C8A: variants seen among roughly 807,000 people sequenced by gnomAD.
The protein encoded by C8A is complement component C8 alpha chain.
Under a neutral mutation model 65.3 loss-of-function variants are expected in C8A, and 67 were observed. That is an observed-to-expected ratio of 1.03 (90% CI 0.84 to 1.26). The LOEUF is 1.26. C8A is among the 50% of genes most tolerant of loss of function. The pLI is 0.00. For missense variants in C8A, 781 were observed against 723.9 expected, an observed-to-expected ratio of 1.08 and a Z score of -0.90; for synonymous variants, 290 against 259.4, an observed-to-expected ratio of 1.12 and a Z score of -1.13.
intron 7 of C8A, among the ~76,000 whole-genome samples, chr1:56,904,548 T>G (rs1195999345): frequency 2.0e-5 from 3 of 152,220 alleles, no homozygotes; most frequent in African/African-American, 7.2e-5. Context: ...ATGGCAGAAT[T>G]CTTTTGTCTG....
At chr1:56,899,725 C>A (rs1480885786) in intron 7 of C8A, among the ~76,000 whole-genome samples, 1 of 152,196 alleles carries the variant, frequency 6.6e-6, no homozygotes, top group Non-Finnish European at 1.5e-5. Flanking sequence ...GTGTAGGCTG[C>A]AGCATTTCTG....
intron 9 of C8A, among the ~76,000 whole-genome samples, chr1:56,911,480 C>T: frequency 6.6e-6 from 1 of 152,200 alleles, no homozygotes; most frequent in East Asian, 1.9e-4. Context: ...TTCAATCCTC[C>T]TTGTGCTTCA....
intron 7 of C8A, among the ~76,000 whole-genome samples, chr1:56,904,595 C>A (rs998642806): frequency 4.6e-5 from 7 of 152,188 alleles, no homozygotes; most frequent in African/African-American, 1.7e-4. Flanking sequence ...CCACAGGCTT[C>A]TAAACATAAC....
chr1:56,914,382 T>C (rs1644534653), intron 10 of C8A, among the ~76,000 whole-genome samples: 1 of 152,146 alleles, frequency 6.6e-6, no homozygotes, highest in Non-Finnish European at 1.5e-5. Context: ...CTCAAGGTCC[T>C]TCCTACCCCC....
At chr1:56,857,372 A>G (rs1279954996) in intron 1 of C8A, among the ~76,000 whole-genome samples, 1 of 151,730 alleles carries the variant, frequency 6.6e-6, no homozygotes, top group Non-Finnish European at 1.5e-5. Context: ...CCCTTTTATT[A>G]TCATGAAAGG....
chr1:56,883,659 A>G lies in C8A; in HGVS notation c.833A>G (p.Glu278Gly). 6.2e-7 allele frequency: 1 copy of G among 1,613,756 alleles called. No individual in the cohort carries two copies. The highest frequency in any genetic ancestry group is 8.5e-7 in the Non-Finnish European group (1 of 1,179,790). ...SHSQDTSFLN[E>G]LNKYNEKKFI... ...TCACAAGACACTTCATTCTTGAACG[A>G]ATTAAACAAGTATAATGAGAAGGTA... is the stretch of plus-strand genomic sequence containing the variant. Residue 278 changes from glutamate (E) to glycine (G), a missense_variant, in exon 6 of 11, where the codon GAA (glutamate) becomes GGA (glycine). By Grantham distance (98) the Glu-to-Gly change is moderately conservative. Transcript: ENST00000361249.
intron 10 of C8A, among the ~76,000 whole-genome samples, chr1:56,916,507 T>C (rs1644554069): frequency 6.6e-6 from 1 of 152,098 alleles, no homozygotes; most frequent in Non-Finnish European, 1.5e-5. Context: ...GGCTGCCCCA[T>C]CAGGGAGTAT....
intron 1 of C8A, among the ~76,000 whole-genome samples, chr1:56,858,274 C>A (rs755927553): frequency 1.3e-5 from 2 of 152,072 alleles, no homozygotes; most frequent in Non-Finnish European, 2.9e-5. Flanking sequence ...AGAAACTGAA[C>A]CTTAGAGAGA....
intron 10 of C8A, among the ~76,000 whole-genome samples, chr1:56,917,228 C>T (rs750395710): frequency 6.6e-6 from 1 of 152,202 alleles, no homozygotes; most frequent in East Asian, 1.9e-4. Flanking sequence ...AGGCATTTCC[C>T]CAAGGAGGAT....
At chr1:56,879,945 G>A (rs949349970) in intron 4 of C8A, among the ~76,000 whole-genome samples, 6 of 152,062 alleles carry the variant, frequency 3.9e-5, no homozygotes, top group Admixed American at 2.0e-4. Flanking sequence ...CATGACGATC[G>A]CTATGCTACA....
At chr1:56,864,307 C>T (rs951776264) in intron 1 of C8A, among the ~76,000 whole-genome samples, 2 of 151,954 alleles carry the variant, frequency 1.3e-5, no homozygotes, top group African/African-American at 4.8e-5. Context: ...ACAGTGGGGT[C>T]TAGGTGTTTA....
intron 8 of C8A, 120 bp from the exon 9 acceptor site, chr1:56,907,836 A>G (rs1644477747): frequency 2.6e-6 from 3 of 1,159,266 alleles, no homozygotes; most frequent in Non-Finnish European, 3.8e-6. Flanking sequence ...AGAGAAGAAG[A>G]ATGGTAAACA....
intron 10 of C8A, among the ~76,000 whole-genome samples, chr1:56,913,032 A>T (rs1557717207): frequency 6.6e-6 from 1 of 152,126 alleles, no homozygotes; most frequent in Admixed American, 6.5e-5. Flanking sequence ...CTGGGGGAGT[A>T]TGTGGTTCAA....
At chr1:56,875,792 AG>A (rs1369309976) in intron 3 of C8A, among the ~76,000 whole-genome samples, 1 of 152,074 alleles carries the variant, frequency 6.6e-6, no homozygotes, top group Admixed American at 6.6e-5. Flanking sequence ...ATACTGAGCA[AG>A]GGGATTACAT....
chr1:56,883,643 A>G lies in C8A; in HGVS notation c.817A>G (p.Thr273Ala), dbSNP rs1345982757. 6.2e-7 allele frequency: 1 copy of G among 1,613,916 alleles called. No individual in the cohort carries two copies. ...VGVGVSHSQD[T>A]SFLNELNKYN... ...TGTAGGTGTATCCCACTCACAAGAC[A>G]CTTCATTCTTGAACGAATTAAACAA... Residue 273 changes from threonine (T) to alanine (A), a missense_variant, in exon 6 of 11, where the codon ACT becomes GCT. By Grantham distance (58) the Thr-to-Ala change is moderately conservative (BLOSUM62 0). Transcript: ENST00000361249.
rs966696872 is a variant in C8A at position 56,886,094 on chromosome 1, C to T, written c.1023C>T (p.Tyr341=). Reference sequence around the variant, plus strand: ...TCATCAATGACTATGGCACCCATTACATCACATCTGGATCCATGGGTGGCA... The same window carrying T: ...TCATCAATGACTATGGCACCCATTATATCACATCTGGATCCATGGGTGGCA... ...AKFINDYGTH[Y]ITSGSMGGIY... Residue 341 remains tyrosine, a synonymous_variant, in exon 7 of 11, where the codon TAC becomes TAT. Coordinates refer to ENST00000361249, the MANE Select transcript of C8A (RefSeq NM_000562.3). The T allele has an allele frequency of 6.2e-7, 1 of 1,613,964 alleles. No homozygotes were observed. The highest frequency in any genetic ancestry group is 8.5e-7 in the Non-Finnish European group (1 of 1,179,886).
At chr1:56,915,880 A>G (rs1013897877) in intron 10 of C8A, among the ~76,000 whole-genome samples, 1 of 152,200 alleles carries the variant, frequency 6.6e-6, no homozygotes, top group Non-Finnish European at 1.5e-5. Context: ...TTCAGTAAGT[A>G]TCATTTTGGG....
intron 7 of C8A, among the ~76,000 whole-genome samples, chr1:56,887,693 C>T (rs930903452): frequency 6.6e-6 from 1 of 152,156 alleles, no homozygotes; most frequent in African/African-American, 2.4e-5. Flanking sequence ...TGTAGGTTTA[C>T]TGCAGCAGCA....
At position 56,881,546 on chromosome 1, in the gene C8A, G is replaced by C; in HGVS notation, c.566G>C (p.Arg189Pro). The C allele has an allele frequency of 6.2e-7, 1 of 1,613,744 alleles. No homozygotes were observed. Among genetic ancestry groups the C allele is most frequent in the Non-Finnish European group, 8.5e-7 (1 of 1,179,732 alleles). Reference sequence around the variant, plus strand: ...TACAATGGGGAATGGAGGGAGCTTCGATATGACTCCACCTGTGAACGTCTC... The same window carrying C: ...TACAATGGGGAATGGAGGGAGCTTCCATATGACTCCACCTGTGAACGTCTC... The part of the protein sequence containing the change: ...TVYNGEWREL[R>P]YDSTCERLYY... Residue 189 changes from arginine (R) to proline (P), a missense_variant, in exon 5 of 11, where the codon CGA (arginine) becomes CCA (proline). Coordinates refer to ENST00000361249, the MANE Select transcript of C8A (RefSeq NM_000562.3).
Sources: gnomAD v4.1 joint callset for allele counts (sites outside exome capture counted in the v4.1 genomes callset) on GRCh38, gnomAD v4.1.1 for gene constraint, MANE v1.5 for transcripts, NCBI Gene and HGNC (gene_info 2026-07-23, HGNC 2026-07-21) for gene names.